The following CLCN4 variants were observed in gnomAD, a reference collection of about 807,000 sequenced individuals.
The protein encoded by CLCN4 is Cl-/H+ antiporter 4, also known as H(+)/Cl(-) exchange transporter 4.
CLCN4 carries 1 observed loss-of-function variant against 41.7 expected under a neutral mutation model. The observed-to-expected ratio is 0.02, with a 90% CI of 0.01 to 0.11. The LOEUF (loss-of-function observed/expected upper bound fraction) is 0.11. CLCN4 is among the 10% of genes least tolerant of loss of function. The probability of loss-of-function intolerance (pLI) is 1.00; values close to 1 mark genes in which losing one functional copy is unlikely to be tolerated. For missense variants in CLCN4, 287 were observed against 661.0 expected (o/e 0.43, Z 6.20); for synonymous variants, 277 against 285.8 (o/e 0.97, Z 0.31).
At chrX:10,213,568 G>C (rs1924625446) in intron 10 of CLCN4, 113 bp from the exon 11 acceptor site, 1 of 698,281 alleles carries the variant, frequency 1.4e-6, no homozygotes, top group African/African-American at 2.2e-5. Flanking sequence ...AGGAGAGTCT[G>C]CTTGGAACAG....
At chrX:10,198,452 T>C (rs1924153727) in intron 6 of CLCN4, among the ~76,000 whole-genome samples, 1 of 112,422 alleles carries the variant, frequency 8.9e-6, no homozygotes, top group African/African-American at 3.2e-5. Context: ...TAATAACTCA[T>C]CAGTGCATCT....
chrX:10,229,858 T>G (rs1925083305), intron 12 of CLCN4, among the ~76,000 whole-genome samples: 1 of 112,189 alleles, frequency 8.9e-6, no homozygotes, highest in African/African-American at 3.2e-5. Context: ...TAAACATACA[T>G]GTGCATGTGT....
rs1057523693 is a variant in CLCN4 at position 10,185,182 on chromosome X, T to A, written c.144+6T>A. ...ACACCGACAGACACAGGAAGGTAGG[T>A]GGCATTCCGAAAGGACACACTGCAA... On this transcript the variant is annotated splice_donor_region_variant and intron_variant, in intron 3 of 12. Transcript: ENST00000380833. The A allele has an allele frequency of 1.7e-6, 2 of 1,190,630 alleles. No individual in the cohort carries two copies. The highest frequency in any genetic ancestry group is 4.6e-5 in the Admixed American group (2 of 43,525).
At chrX:10,192,392 G>A (rs1923990806) in intron 4 of CLCN4, among the ~76,000 whole-genome samples, 1 of 111,549 alleles carries the variant, frequency 9.0e-6, no homozygotes, top group African/African-American at 3.3e-5. Flanking sequence ...TAGGAAATCA[G>A]GAAAGACTTC....
intron 10 of CLCN4, 64 bp from the exon 11 acceptor site, chrX:10,213,617 A>C (rs1001194530): frequency 5.1e-5 from 53 of 1,040,748 alleles, no homozygotes; most frequent in Non-Finnish European, 7.0e-5. Context: ...CATTTTCCCC[A>C]AATCATGCTT....
intron 2 of CLCN4, among the ~76,000 whole-genome samples, chrX:10,160,869 A>G (rs1923076105): frequency 1.8e-5 from 2 of 111,342 alleles, no homozygotes; most frequent in African/African-American, 6.5e-5. Context: ...AGTGGGGCCA[A>G]CCGTGCTTGC....
At chrX:10,186,181 G>A (rs934566201) in intron 3 of CLCN4, among the ~76,000 whole-genome samples, 8 of 110,929 alleles carry the variant, frequency 7.2e-5, no homozygotes, top group South Asian at 3.9e-4. Flanking sequence ...AGATGCGTTG[G>A]TTTGAGCTGC....
chrX:10,202,231 T>C (rs57684107), intron 6 of CLCN4, among the ~76,000 whole-genome samples: 35,145 of 109,873 alleles, frequency 0.32, 4,406 homozygotes, highest in East Asian at 0.68. Flanking sequence ...CCCAGCACTT[T>C]GGGAGGCTGA....
At chrX:10,215,249 TG>T (rs960907484) in intron 11 of CLCN4, among the ~76,000 whole-genome samples, 5 of 112,303 alleles carry the variant, frequency 4.5e-5, no homozygotes, top group Non-Finnish European at 9.4e-5. Flanking sequence ...CTTTGTTTCC[TG>T]TTTCCAAGGC....
At chrX:10,179,207 T>C (rs1409799396) in intron 2 of CLCN4, among the ~76,000 whole-genome samples, 1 of 112,006 alleles carries the variant, frequency 8.9e-6, no homozygotes, top group African/African-American at 3.3e-5. Context: ...TTTTAATTAA[T>C]GACAAAAGGT....
At chrX:10,185,861 C>T (rs1259241826) in intron 3 of CLCN4, among the ~76,000 whole-genome samples, 4 of 111,065 alleles carry the variant, frequency 3.6e-5, no homozygotes, top group Non-Finnish European at 7.5e-5. Flanking sequence ...GCCATGCTGG[C>T]GGTGGAGAGG....
At chrX:10,159,500 G>T (rs1255374061) in intron 2 of CLCN4, among the ~76,000 whole-genome samples, 1 of 110,337 alleles carries the variant, frequency 9.1e-6, no homozygotes, top group Non-Finnish European at 1.9e-5. Context: ...CAGGACGTGT[G>T]GGGGCACCCT....
In CLCN4 at chrX:10,236,473, A is replaced by G. The variant is rs1925255193; in HGVS notation, c.*2889A>G. 1 of 111,918 alleles carries G rather than the reference A, an allele frequency of 8.9e-6. No homozygotes were observed. Among genetic ancestry groups the G allele is most frequent in the African/African-American group, 3.2e-5 (1 of 30,779 alleles). The allele number at this position is 111,918 out of a possible 1,213,427, so 9.2% of individuals were successfully genotyped here. A position where few individuals can be genotyped will look rare whatever the true frequency, so the allele number is the denominator to read the frequency against. On this transcript the variant is annotated 3_prime_UTR_variant, in exon 13 of 13. Coordinates refer to ENST00000380833, the MANE Select transcript of CLCN4 (RefSeq NM_001830.4). ...GGATGAGGAGTCTGCAGTGGGGACT[A>G]CCACAGCAAACTGCCTTCCTTCCGT...
chrX:10,216,879 A>ATGTGTGTGTG (rs201751237), intron 11 of CLCN4, among the ~76,000 whole-genome samples: 432 of 24,114 alleles, frequency 0.018, 17 homozygotes, highest in African/African-American at 0.065. Context: ...TCTGTTGGGG[A>ATGTGTGTGTG]TGTGTGTGTG....
chrX:10,192,364 G>T (rs191144804), intron 4 of CLCN4, among the ~76,000 whole-genome samples: 22 of 111,649 alleles, frequency 2.0e-4, no homozygotes, highest in African/African-American at 5.5e-4. Context: ...TGCCAGGGAA[G>T]TACACCTAAC....
intron 11 of CLCN4, among the ~76,000 whole-genome samples, chrX:10,214,651 A>G (rs1315212439): frequency 1.8e-5 from 2 of 112,727 alleles, no homozygotes; most frequent in Non-Finnish European, 3.7e-5. Context: ...ATGTGCAGAC[A>G]TCGCTGAAAC....
chrX:10,213,895 C>A lies in CLCN4; in HGVS notation c.1791C>A (p.Thr597=). Residue 597 remains threonine, a synonymous_variant, in exon 11 of 13, where the codon ACC becomes ACA. Coordinates refer to ENST00000380833, the MANE Select transcript of CLCN4 (RefSeq NM_001830.4). Reference sequence around the variant, plus strand: ...AGTTTACTCACCGCACACTGGCCACCGACGTCATGCGGCCCCGGCGGGGAG... The same window carrying A: ...AGTTTACTCACCGCACACTGGCCACAGACGTCATGCGGCCCCGGCGGGGAG... ...KDEFTHRTLA[T]DVMRPRRGEP... The A allele has an allele frequency of 4.1e-6, 5 of 1,211,564 alleles. No homozygotes were observed. Among genetic ancestry groups the A allele is most frequent in the Non-Finnish European group, 5.6e-6 (5 of 895,287 alleles).
intron 10 of CLCN4, 93 bp downstream of exon 10, chrX:10,212,746 TTAC>T: frequency 7.1e-6 from 6 of 843,820 alleles, no homozygotes; most frequent in Non-Finnish European, 1.0e-5. Context: ...AACATTTTCT[TTAC>T]TCAGGATAGG....
chrX:10,197,483 C>G (rs761001710), intron 5 of CLCN4, among the ~76,000 whole-genome samples: 2 of 110,955 alleles, frequency 1.8e-5, no homozygotes, highest in Admixed American at 9.6e-5. Flanking sequence ...AATACAGGCC[C>G]GACCCGTATT....
Sources: allele counts gnomAD v4.1 joint callset (sites outside exome capture counted in the v4.1 genomes callset), GRCh38; gene constraint gnomAD v4.1.1; transcripts MANE v1.5; gene names NCBI Gene and HGNC (gene_info 2026-07-23, HGNC 2026-07-21).